The following LRRK1 variants were observed in gnomAD, a reference collection of about 807,000 sequenced individuals.
LRRK1 encodes leucine rich repeat kinase 1.
LRRK1 carries 113 observed loss-of-function variants against 209.1 expected under a neutral mutation model. The observed-to-expected ratio is 0.54, with a 90% CI of 0.46 to 0.63. LRRK1 has a LOEUF of 0.63. Among genes scored for constraint, LRRK1 ranks in the 30% least tolerant of loss-of-function variants. The pLI, the probability that LRRK1 is intolerant of heterozygous loss-of-function variation, is 0.00. For missense variants in LRRK1, 2,284 were observed against 2,632.2 expected (o/e 0.87, Z 2.89); for synonymous variants, 1,144 against 1,099.7 (o/e 1.04, Z -0.80).
rs1006534818 is a variant in LRRK1 at position 101,022,702 on chromosome 15, C to G, written c.2067+105C>G. On this transcript the variant is annotated intron_variant, in intron 15 of 33. Transcript: ENST00000388948. The surrounding 1 kb of genome is among the most constrained non-coding windows in gnomAD (Gnocchi z 4.0). ...CCCAGGATTTTCTCAGCCTGGTGTC[C>G]AAAGCTCAGGCCCTTTGCAGGAGCC... 1 of 799,056 alleles carries G rather than the reference C, an allele frequency of 1.3e-6. No individual in the cohort carries two copies. Among genetic ancestry groups the G allele is most frequent in the Non-Finnish European group, 2.0e-6 (1 of 508,364 alleles). The allele number at this position is 799,056 out of a possible 1,614,324, so 49.5% of individuals were successfully genotyped here.
chr15:101,048,883 C>T (rs1257017564), intron 22 of LRRK1, among the ~76,000 whole-genome samples: 1 of 152,224 alleles, frequency 6.6e-6, no homozygotes, highest in Non-Finnish European at 1.5e-5. Context: ...AAGGCAAAGG[C>T]AGATGTGGCG....
At chr15:101,015,445 G>T (rs759430515) in intron 12 of LRRK1, 43 bp downstream of exon 12, 1 of 1,471,030 alleles carries the variant, frequency 6.8e-7, no homozygotes, top group African/African-American at 1.4e-5. Flanking sequence ...TGAGACAGCC[G>T]GGGTAGCCTG....
At position 101,065,914 on chromosome 15, in the gene LRRK1, C is replaced by T. The variant is rs775190189; in HGVS notation, c.5477C>T (p.Thr1826Met). 1.1e-5 allele frequency: 18 copies of T among 1,614,156 alleles called. No homozygotes were observed. Among genetic ancestry groups the T allele is most frequent in the African/African-American group, 2.7e-5 (2 of 75,042 alleles). ...ATCATGTACAGTGAGGAGCTGGGCA[C>T]GCAGATCCTGATCCACCAGGAATCA... ...VSIMYSEELG[T>M]QILIHQESLT... is the part of the protein sequence containing the mutation. Residue 1826 changes from threonine (T) to methionine (M), a missense_variant, in exon 32 of 34, where the codon ACG becomes ATG. Physicochemically the swap from Thr to Met is moderately conservative, Grantham distance 81. Around this residue, in one of 6 missense-constraint regions of LRRK1, gnomAD observed 643 missense variants for 695.9 expected, o/e 0.92. Transcript: ENST00000388948.
Position 101,022,213 on chromosome 15 carries a change from C to A in LRRK1, c.1853-170C>A, listed in dbSNP as rs962546395. Reference sequence around the variant, plus strand: ...CCATAGGTTCTTGCCTCTTAGAGTTCGCTTTTAGGGTGGTTAGTGTCATGC... The same window carrying A: ...CCATAGGTTCTTGCCTCTTAGAGTTAGCTTTTAGGGTGGTTAGTGTCATGC... On this transcript the variant is annotated intron_variant, in intron 14 of 33. Transcript: ENST00000388948. This position sits in a 1 kb window ranked among gnomAD's most constrained non-coding sequence, Gnocchi z 4.0. 1.4e-6 allele frequency: 1 copy of A among 692,132 alleles called. No homozygotes were observed. The highest frequency in any genetic ancestry group is 2.8e-5 in the Admixed American group (1 of 35,288). 42.9% of individuals were successfully genotyped at this position (692,132 alleles called of 1,614,324 possible).
intron 2 of LRRK1, among the ~76,000 whole-genome samples, chr15:100,959,291 G>C (rs1463442510): frequency 6.6e-6 from 1 of 152,186 alleles, no homozygotes; most frequent in Non-Finnish European, 1.5e-5. Flanking sequence ...AGTCTAGATA[G>C]GCACCCACGG....
At chr15:100,935,126 A>G (rs1016986889) in intron 2 of LRRK1, among the ~76,000 whole-genome samples, 2 of 152,168 alleles carry the variant, frequency 1.3e-5, no homozygotes. Flanking sequence ...AGCCAGGAAA[A>G]TGTCCTCATG....
In LRRK1 at chr15:100,956,410, T is replaced by TA. The variant is rs34551285; in HGVS notation, c.98-17383dup. Among the ~76,000 whole-genome samples the TA allele has an allele frequency of 1.4e-3, 187 of 130,604 alleles. 1 individual carries two copies. Among genetic ancestry groups the TA allele is most frequent in the Non-Finnish European group, 2.2e-3 (140 of 64,014 alleles). The allele number at this position is 130,604 out of a possible 152,430, so 85.7% of individuals were successfully genotyped here. ...TTAGTCTAGCTAACGATTTGTCAATTAAAAAAAAAAACTCTTACTTTCGCT... is the reference window on the plus strand; with the variant it reads ...TTAGTCTAGCTAACGATTTGTCAATTAAAAAAAAAAAACTCTTACTTTCGCT... On this transcript the variant is annotated intron_variant, in intron 2 of 33. Transcript: ENST00000388948.
At chr15:101,025,882 C>A in intron 16 of LRRK1, 83 bp from the exon 17 acceptor site, 3 of 1,466,766 alleles carry the variant, frequency 2.0e-6, no homozygotes, top group Non-Finnish European at 2.8e-6. Context: ...CCAGGGTCAG[C>A]GCACCTGCAC....
chr15:101,029,783 G>T (rs2034203369), intron 20 of LRRK1, among the ~76,000 whole-genome samples: 2 of 152,152 alleles, frequency 1.3e-5, no homozygotes, highest in Admixed American at 6.5e-5. Flanking sequence ...CAGGAGAATT[G>T]CTTGAACCCA....
chr15:101,026,533 T>A (rs1414722444), intron 17 of LRRK1, among the ~76,000 whole-genome samples: 1 of 152,206 alleles, frequency 6.6e-6, no homozygotes, highest in African/African-American at 2.4e-5. Context: ...GTGGTCCTGA[T>A]AGCAGCCTTT....
At chr15:101,016,410 T>A (rs977880112) in intron 12 of LRRK1, among the ~76,000 whole-genome samples, 11 of 151,664 alleles carry the variant, frequency 7.3e-5, no homozygotes, top group African/African-American at 1.5e-4. Context: ...GGTCTTGAAC[T>A]CCTGACCTCA....
chr15:100,950,845 T>C (rs992800059), intron 2 of LRRK1, among the ~76,000 whole-genome samples: 7 of 152,372 alleles, frequency 4.6e-5, no homozygotes, highest in South Asian at 2.1e-4. Flanking sequence ...GGCTCGCGCC[T>C]GTCATCCCAG....
Position 101,056,966 on chromosome 15 carries a change from C to T in LRRK1, c.4443C>T (p.Arg1481=), listed in dbSNP as rs925582655. ...CCAAGAAGCTGTCCAAGGGCATCCG[C>T]CCGGTTCTGGGGCAGCCGGAGGAAG... ...QIAKKLSKGI[R]PVLGQPEEVQ... The change falls in exon 28 of 34, where the codon CGC becomes CGT. Residue 1481 remains arginine (R), a synonymous_variant. Transcript: ENST00000388948. 1 of 1,614,182 alleles carries T rather than the reference C, an allele frequency of 6.2e-7. No homozygotes were observed. The highest frequency in any genetic ancestry group is 1.7e-5 in the Admixed American group (1 of 60,024).
intron 4 of LRRK1, among the ~76,000 whole-genome samples, chr15:100,984,196 C>T (rs539352005): frequency 4.7e-5 from 7 of 149,486 alleles, no homozygotes; most frequent in East Asian, 1.9e-4. Flanking sequence ...TTTAAGATGA[C>T]GAAAACAAAG....
At chr15:100,920,531 C>A (rs961808210) in intron 1 of LRRK1, among the ~76,000 whole-genome samples, 16 of 152,194 alleles carry the variant, frequency 1.1e-4, no homozygotes, top group Non-Finnish European at 1.6e-4. Flanking sequence ...CTTTCCCTCT[C>A]CCAAAAGTCG....
rs143331360 is a variant in LRRK1 at position 100,942,067 on chromosome 15, T to G, written c.97+17338T>G. ...AGGCTTGTTGATATTTGTAATAATT[T>G]CTAAGGATTTGGAGCAGGAGGTGGT... On this transcript the variant is annotated intron_variant, in intron 2 of 33. Coordinates refer to ENST00000388948, the MANE Select transcript of LRRK1 (RefSeq NM_024652.6). Among the ~76,000 whole-genome samples, 7 of 152,342 alleles carry G rather than the reference T, an allele frequency of 4.6e-5. No homozygotes were observed. The East Asian group carries it at 1.4e-3, about 29-fold the overall frequency.
chr15:101,031,779 G>A (rs2034295391), intron 20 of LRRK1, among the ~76,000 whole-genome samples: 1 of 150,544 alleles, frequency 6.6e-6, no homozygotes, highest in African/African-American at 2.4e-5. Flanking sequence ...CTGTCGCCCA[G>A]ACTGGAGTGC....
chr15:100,924,076 G>A (rs2042065566), intron 1 of LRRK1, among the ~76,000 whole-genome samples: 1 of 152,196 alleles, frequency 6.6e-6, no homozygotes, highest in South Asian at 2.1e-4. Context: ...CTGGCCCCGG[G>A]CAAAAGGAGA....
chr15:101,034,959 A>G (rs78865281), intron 20 of LRRK1, among the ~76,000 whole-genome samples: 155 of 151,686 alleles, frequency 1.0e-3, no homozygotes, highest in African/African-American at 3.5e-3. Flanking sequence ...TTCATTACCA[A>G]TTTTGGTTAT....
Sources: gnomAD v4.1 joint callset for allele counts (sites outside exome capture counted in the v4.1 genomes callset) on GRCh38, gnomAD v4.1.1 for gene constraint, gnomAD v4.1.1 regional missense constraint, Gnocchi (gnomAD v3.1) non-coding constraint, MANE v1.5 for transcripts, NCBI Gene and HGNC (gene_info 2026-07-23, HGNC 2026-07-21) for gene names.